The following FHIT variants were observed in gnomAD, a reference collection of about 807,000 sequenced individuals.
FHIT encodes fragile histidine triad diadenosine triphosphatase, also known as bis(5'-adenosyl)-triphosphatase.
A neutral mutation model predicts 17.9 loss-of-function variants in FHIT; 19 were observed. The observed-to-expected ratio is 1.06, with a 90% CI of 0.74 to 1.56. The LOEUF (loss-of-function observed/expected upper bound fraction) is 1.56. FHIT is among the 40% of genes most tolerant of loss of function. The pLI, the probability that FHIT is intolerant of heterozygous loss-of-function variation, is 0.00. For synonymous variants in FHIT, 81 were observed against 69.7 expected (o/e 1.16, Z -0.81); for missense variants, 248 against 189.2 (o/e 1.31, Z -1.82).
intron 4 of FHIT, among the ~76,000 whole-genome samples, chr3:60,789,112 G>A (rs9866842): frequency 0.22 from 32,382 of 146,460 alleles, 4,799 homozygotes; most frequent in African/African-American, 0.42. Context: ...ATATCTATAT[G>A]TATATATAGA....
chr3:60,685,439 A>T (rs1005708379), intron 4 of FHIT, among the ~76,000 whole-genome samples: 28 of 152,090 alleles, frequency 1.8e-4, no homozygotes, highest in African/African-American at 6.8e-4. Context: ...AAGAAAGCAA[A>T]CCATGTTATG....
At chr3:59,891,348 A>C (rs1208823347) in intron 8 of FHIT, among the ~76,000 whole-genome samples, 1 of 152,226 alleles carries the variant, frequency 6.6e-6, no homozygotes, top group Non-Finnish European at 1.5e-5. Flanking sequence ...TTTATTCTGC[A>C]TGAAGGGAAA....
rs1255588695 is a variant in FHIT at position 60,441,764 on chromosome 3, A to T, written c.103+95096T>A. 2.2e-4 allele frequency among the ~76,000 whole-genome samples: 18 copies of T among 82,036 alleles called. 1 individual carries two copies. In the East Asian group the frequency reaches 2.9e-3, roughly 13 times the overall value. 53.8% of individuals were successfully genotyped at this position (82,036 alleles called of 152,430 possible). ...TATATTTATATATATAAAAATATATATATATTTATATGTATAAAAATATAT... is the reference window on the plus strand; with the variant it reads ...TATATTTATATATATAAAAATATATTTATATTTATATGTATAAAAATATAT... On this transcript the variant is annotated intron_variant, in intron 5 of 9. Transcript: ENST00000492590.
At chr3:60,787,325 T>C (rs375994061) in intron 4 of FHIT, among the ~76,000 whole-genome samples, 3 of 152,246 alleles carry the variant, frequency 2.0e-5, no homozygotes, top group Non-Finnish European at 4.4e-5. Flanking sequence ...TATTTATCCA[T>C]CCTTCTGAGC....
chr3:60,041,960 A>C (rs1433920249), intron 5 of FHIT, among the ~76,000 whole-genome samples: 1 of 152,206 alleles, frequency 6.6e-6, no homozygotes, highest in Non-Finnish European at 1.5e-5. Context: ...TTTTTGGAAA[A>C]ATCCACATTT....
intron 3 of FHIT, among the ~76,000 whole-genome samples, chr3:61,006,912 G>T (rs763999170): frequency 6.6e-6 from 1 of 151,948 alleles, no homozygotes; most frequent in South Asian, 2.1e-4. Context: ...AAAGAAGGAG[G>T]GGAAATAGTG....
intron 8 of FHIT, among the ~76,000 whole-genome samples, chr3:59,858,917 A>G (rs1365226446): frequency 6.6e-6 from 1 of 152,180 alleles, no homozygotes; most frequent in Non-Finnish European, 1.5e-5. Flanking sequence ...GGAAATAATA[A>G]TAAGTGTGTG....
intron 1 of FHIT, among the ~76,000 whole-genome samples, chr3:61,209,101 G>A (rs367569552): frequency 6.6e-6 from 1 of 151,972 alleles, no homozygotes; most frequent in Non-Finnish European, 1.5e-5. Flanking sequence ...GATATGAAAT[G>A]CTGGGTTGAA....
At chr3:60,545,950 A>T (rs554000891) in intron 4 of FHIT, among the ~76,000 whole-genome samples, 38 of 152,288 alleles carry the variant, frequency 2.5e-4, no homozygotes, top group Admixed American at 8.5e-4. Context: ...AACGCCATAA[A>T]TTATTGTTTT....
chr3:60,828,414 CT>C (rs1702200266), intron 3 of FHIT, among the ~76,000 whole-genome samples: 1 of 152,016 alleles, frequency 6.6e-6, no homozygotes, highest in Non-Finnish European at 1.5e-5. Flanking sequence ...TAATTAATTA[CT>C]TTTGTTCATT....
At chr3:60,179,040 A>C (rs529096208) in intron 5 of FHIT, among the ~76,000 whole-genome samples, 11 of 152,316 alleles carry the variant, frequency 7.2e-5, no homozygotes, top group Admixed American at 6.5e-4. Context: ...AACATACAGT[A>C]GGTTTGTAAA....
intron 5 of FHIT, among the ~76,000 whole-genome samples, chr3:60,193,912 C>A (rs1469961185): frequency 6.6e-6 from 1 of 152,120 alleles, no homozygotes; most frequent in Non-Finnish European, 1.5e-5. Context: ...AATGGGCTCG[C>A]TTTCCAATCT....
chr3:59,754,886 G>C (rs1466625961), intron 8 of FHIT, among the ~76,000 whole-genome samples: 3 of 152,088 alleles, frequency 2.0e-5, no homozygotes, highest in African/African-American at 7.2e-5. Flanking sequence ...GTTCTGTTTA[G>C]AACAGCGGCA....
Position 61,178,238 on chromosome 3 carries a change from T to C in FHIT, c.-164+22379A>G, listed in dbSNP as rs2038217669. 2.0e-5 allele frequency among the ~76,000 whole-genome samples: 3 copies of C among 152,182 alleles called. 1 individual carries two copies. The South Asian group carries it at 6.2e-4, about 32-fold the overall frequency. ...TCATTCTGTTGAATGAAACCATTACTGGACTCCCAACAACCTTGATGAGAG... is the reference window on the plus strand; with the variant it reads ...TCATTCTGTTGAATGAAACCATTACCGGACTCCCAACAACCTTGATGAGAG... On this transcript the variant is annotated intron_variant, in intron 2 of 9. Coordinates refer to ENST00000492590, the MANE Select transcript of FHIT (RefSeq NM_002012.4).
intron 7 of FHIT, among the ~76,000 whole-genome samples, chr3:59,940,793 ACC>A (rs1706475476): frequency 6.6e-6 from 1 of 151,942 alleles, no homozygotes; most frequent in African/African-American, 2.4e-5. Flanking sequence ...ATACATGAAA[ACC>A]TCTTAGCACC....
At chr3:60,244,668 T>G (rs1158773402) in intron 5 of FHIT, among the ~76,000 whole-genome samples, 1 of 152,054 alleles carries the variant, frequency 6.6e-6, no homozygotes, top group Non-Finnish European at 1.5e-5. Context: ...GGATCTTGAG[T>G]GTTCTGAATT....
chr3:59,829,956 G>C (rs2629885), intron 8 of FHIT, among the ~76,000 whole-genome samples: 19,848 of 152,122 alleles, frequency 0.13, 1,579 homozygotes, highest in Non-Finnish European at 0.19. Flanking sequence ...CGTGCCTATA[G>C]TCCCAGTTAC....
intron 5 of FHIT, among the ~76,000 whole-genome samples, chr3:60,194,127 A>G (rs1464734088): frequency 6.6e-6 from 1 of 152,208 alleles, no homozygotes; most frequent in Non-Finnish European, 1.5e-5. Context: ...GAGCCCAAAT[A>G]GCCAAAGAAA....
At chr3:60,963,346 G>T (rs1405232590) in intron 3 of FHIT, among the ~76,000 whole-genome samples, 1 of 152,018 alleles carries the variant, frequency 6.6e-6, no homozygotes, top group African/African-American at 2.4e-5. Flanking sequence ...CTTGCTAGTG[G>T]TCTATCAATT....
Sources: allele counts gnomAD v4.1 joint callset (sites outside exome capture counted in the v4.1 genomes callset), GRCh38; gene constraint gnomAD v4.1.1; transcripts MANE v1.5; gene names NCBI Gene and HGNC (gene_info 2026-07-23, HGNC 2026-07-21).